CFTR: variants seen among roughly 807,000 people sequenced by gnomAD.
The protein encoded by CFTR is CF transmembrane conductance regulator, also known as cystic fibrosis transmembrane conductance regulator.
A neutral mutation model predicts 171.6 loss-of-function variants in CFTR; 181 were observed. That is an observed-to-expected ratio of 1.05 (90% confidence interval 0.93 to 1.19). The LOEUF is 1.19. Among genes scored for constraint, CFTR ranks in the 50% most tolerant of loss-of-function variants. The pLI is 0.00. For missense variants in CFTR, 1,968 were observed against 1,734.7 expected (o/e 1.13, Z -2.39); for synonymous variants, 583 against 608.0 (o/e 0.96, Z 0.60).
chr7:117,506,727 CA>C (rs1798424570), intron 2 of CFTR, among the ~76,000 whole-genome samples: 1 of 152,084 alleles, frequency 6.6e-6, no homozygotes, highest in Non-Finnish European at 1.5e-5. Flanking sequence ...CATGTTGATT[CA>C]ATTTAAAAAA....
In CFTR at chr7:117,540,151, C is replaced by T. The variant is rs1409186222; in HGVS notation, c.921C>T (p.Ser307=). 2.5e-6 allele frequency: 4 copies of T among 1,613,306 alleles called. No individual in the cohort carries two copies. The highest frequency in any genetic ancestry group is 1.1e-5 in the South Asian group (1 of 91,060). The change falls in exon 8 of 27, where the codon AGC becomes AGT. Residue 307 remains serine (S), a synonymous_variant. Transcript: ENST00000003084. ...RKAAYVRYFN[S]SAFFFSGFFV... ...CAGCCTATGTGAGATACTTCAATAGCTCAGCCTTCTTCTTCTCAGGGTTCT... is the reference window on the plus strand; with the variant it reads ...CAGCCTATGTGAGATACTTCAATAGTTCAGCCTTCTTCTTCTCAGGGTTCT...
At chr7:117,608,945 C>A (rs1394270746) in intron 18 of CFTR, among the ~76,000 whole-genome samples, 1 of 152,130 alleles carries the variant, frequency 6.6e-6, no homozygotes, top group East Asian at 1.9e-4. Flanking sequence ...GATTTACCCT[C>A]TTAACAGATT....
intron 24 of CFTR, 58 bp from the exon 25 acceptor site, chr7:117,664,630 G>C: frequency 6.7e-7 from 1 of 1,490,580 alleles, no homozygotes; most frequent in Non-Finnish European, 9.4e-7. Context: ...TTTTTAGAAT[G>C]TCAACTGCTT....
At position 117,668,218 on chromosome 7, in the gene CFTR, T is replaced by C. The variant is rs893476114; in HGVS notation, c.*1110T>C. The C allele has an allele frequency of 6.6e-6, 1 of 152,230 alleles. No homozygotes were observed. The highest frequency in any genetic ancestry group is 6.5e-5 in the Admixed American group (1 of 15,278). 9.4% of individuals were successfully genotyped at this position (152,230 alleles called of 1,614,324 possible). ...TGTTTTATAATTTTGTGAAGCAAAA[T>C]TTTTTCTCTAGGAAATATTTATTTT... On this transcript the variant is annotated 3_prime_UTR_variant, in exon 27 of 27. Coordinates refer to ENST00000003084, the MANE Select transcript of CFTR (RefSeq NM_000492.4).
Position 117,627,555 on chromosome 7 carries a change from G to T in CFTR, c.3502G>T (p.Asp1168Tyr). 2 of 1,613,158 alleles carry T rather than the reference G, an allele frequency of 1.2e-6. No homozygotes were observed. The highest frequency in any genetic ancestry group is 2.2e-5 in the South Asian group (2 of 91,050). ...RSVSRVFKFIDMPTEGKPTKS... is the reference protein window; with the variant it reads ...RSVSRVFKFIYMPTEGKPTKS... Reference sequence around the variant, plus strand: ...TGTGAGCCGAGTCTTTAAGTTCATTGACATGCCAACAGAAGGTAAACCTAC... The same window carrying T: ...TGTGAGCCGAGTCTTTAAGTTCATTTACATGCCAACAGAAGGTAAACCTAC... Residue 1168 changes from aspartate (D) to tyrosine (Y), a missense_variant, in exon 22 of 27, where the codon GAC becomes TAC. Transcript: ENST00000003084.
chr7:117,579,198 C>G (rs1340772639), intron 11 of CFTR, among the ~76,000 whole-genome samples: 4 of 151,288 alleles, frequency 2.6e-5, no homozygotes, highest in Non-Finnish European at 4.4e-5. Flanking sequence ...TTGAATAAAC[C>G]GTTATTGAAG....
intron 23 of CFTR, among the ~76,000 whole-genome samples, chr7:117,644,246 T>C (rs1247528070): frequency 6.6e-6 from 1 of 152,152 alleles, no homozygotes; most frequent in African/African-American, 2.4e-5. Context: ...AAACAGAATA[T>C]GCTATTTCTT....
At chr7:117,483,720 C>G (rs1484263091) in intron 1 of CFTR, among the ~76,000 whole-genome samples, 1 of 151,766 alleles carries the variant, frequency 6.6e-6, no homozygotes, top group African/African-American at 2.4e-5. Flanking sequence ...GTGTGTACCA[C>G]CATGCCTGGC....
At chr7:117,643,328 T>C (rs1792948966) in intron 23 of CFTR, among the ~76,000 whole-genome samples, 1 of 152,158 alleles carries the variant, frequency 6.6e-6, no homozygotes. Context: ...ATCACTTTTC[T>C]CCCTTTGTGC....
chr7:117,482,804 A>G (rs1020476063), intron 1 of CFTR, among the ~76,000 whole-genome samples: 1 of 152,092 alleles, frequency 6.6e-6, no homozygotes, highest in Non-Finnish European at 1.5e-5. Context: ...TGAATTTTTC[A>G]TATTTCGTTT....
chr7:117,631,599 T>C (rs1399554310), intron 22 of CFTR, among the ~76,000 whole-genome samples: 1 of 152,160 alleles, frequency 6.6e-6, no homozygotes, highest in Non-Finnish European at 1.5e-5. Context: ...CTGGAACTTT[T>C]TGGAGAGCCT....
intron 20 of CFTR, among the ~76,000 whole-genome samples, chr7:117,612,043 A>ATATATATG (rs1562915151): frequency 1.4e-4 from 10 of 72,222 alleles, no homozygotes; most frequent in East Asian, 2.6e-4. Flanking sequence ...ATATATATAT[A>ATATATATG]TATATATATA....
rs1799063309 is a variant in CFTR at position 117,542,087 on chromosome 7, T to C, written c.1188T>C (p.Asn396=). 1 of 1,593,810 alleles carries C rather than the reference T, an allele frequency of 6.3e-7. No homozygotes were observed. Among genetic ancestry groups the C allele is most frequent in the East Asian group, 2.2e-5 (1 of 44,696 alleles). The change falls in exon 9 of 27, where the codon AAT becomes AAC. Residue 396 remains asparagine, a synonymous_variant. Transcript: ENST00000003084. Reference sequence around the variant, plus strand: ...CGACTACAGAAGTAGTGATGGAGAATGTAACAGCCTTCTGGGAGGAGGTCA... The same window carrying C: ...CGACTACAGAAGTAGTGATGGAGAACGTAACAGCCTTCTGGGAGGAGGTCA... The part of the protein sequence containing the change: ...NLTTTEVVME[N]VTAFWEEGFG...
In CFTR at chr7:117,606,339, G is replaced by A. The variant is rs555005235; in HGVS notation, c.2909-335G>A. On this transcript the variant is annotated intron_variant, in intron 17 of 26. Transcript: ENST00000003084. ...ACAGTAAGTTGTCATTAAATGCAAGGTTGCAAAAGTAAGATTGTAAAGCAG... is the reference window on the plus strand; with the variant it reads ...ACAGTAAGTTGTCATTAAATGCAAGATTGCAAAAGTAAGATTGTAAAGCAG... Among the ~76,000 whole-genome samples, 61 of 152,196 alleles carry A rather than the reference G, an allele frequency of 4.0e-4. 1 individual carries two copies. The South Asian group carries it at 0.012, about 31-fold the overall frequency.
At chr7:117,636,747 T>G (rs1231492800) in intron 22 of CFTR, among the ~76,000 whole-genome samples, 1 of 152,128 alleles carries the variant, frequency 6.6e-6, no homozygotes, top group Non-Finnish European at 1.5e-5. Context: ...ATTCCATCTT[T>G]GAATCTCCAT....
intron 3 of CFTR, among the ~76,000 whole-genome samples, chr7:117,513,228 G>A (rs1798549140): frequency 6.6e-6 from 1 of 152,082 alleles, no homozygotes; most frequent in Admixed American, 6.6e-5. Context: ...ACCATCTTGA[G>A]GTTACAGAAA....
Position 117,603,582 on chromosome 7 carries a change from A to T in CFTR, c.2708A>T (p.Tyr903Phe). 6.8e-6 allele frequency: 11 copies of T among 1,613,614 alleles called. No individual in the cohort carries two copies. The highest frequency in any genetic ancestry group is 9.3e-6 in the Non-Finnish European group (11 of 1,179,564). Residue 903 changes from tyrosine to phenylalanine, a missense_variant, in exon 17 of 27, where the codon TAT becomes TTT. Coordinates refer to ENST00000003084, the MANE Select transcript of CFTR (RefSeq NM_000492.4). ...AGTACTCATAGTAGAAATAACAGCT[A>T]TGCAGTGATTATCACCAGCACCAGT... is the stretch of plus-strand genomic sequence containing the variant. ...GNSTHSRNNS[Y>F]AVIITSTSSY... is the part of the protein sequence containing the mutation.
chr7:117,638,038 A>G (rs947974393), intron 22 of CFTR, among the ~76,000 whole-genome samples: 9 of 152,198 alleles, frequency 5.9e-5, no homozygotes, highest in Non-Finnish European at 2.9e-5. Context: ...TTGCTCTCAC[A>G]TCATGCACAC....
chr7:117,496,429 C>G (rs1294903850), intron 1 of CFTR, among the ~76,000 whole-genome samples: 4 of 152,080 alleles, frequency 2.6e-5, no homozygotes, highest in Admixed American at 1.3e-4. Context: ...CTCTCAAACT[C>G]CAGGGCTCAA....
Sources: gnomAD v4.1 joint callset for allele counts (sites outside exome capture counted in the v4.1 genomes callset) on GRCh38, gnomAD v4.1.1 for gene constraint, MANE v1.5 for transcripts, NCBI Gene and HGNC (gene_info 2026-07-23, HGNC 2026-07-21) for gene names.